Variants in PRKN observed in about 807,000 individuals in gnomAD.
PRKN encodes the protein parkin RBR E3 ubiquitin protein ligase.
PRKN carries 56 observed loss-of-function variants against 59.5 expected under a neutral mutation model. The ratio of observed to expected loss-of-function variants is 0.94; its 90% CI spans 0.76 to 1.18. The LOEUF is 1.18. Among genes scored for constraint, PRKN ranks in the 50% most tolerant of loss-of-function variants. PRKN has a pLI of 0.00. For synonymous variants in PRKN, 250 were observed against 222.1 expected, an observed-to-expected ratio of 1.13 and a Z score of -1.12; for missense variants, 657 against 596.4, an observed-to-expected ratio of 1.10 and a Z score of -1.06.
At chr6:162,594,662 T>C (rs980116333) in intron 1 of PRKN, among the ~76,000 whole-genome samples, 34 of 151,544 alleles carry the variant, frequency 2.2e-4, no homozygotes, top group Non-Finnish European at 4.9e-4. Context: ...AATGAATATG[T>C]CATCCAAGTT....
In PRKN at chr6:161,349,920, G is replaced by GA; in HGVS notation, c.*178dup. Reference sequence around the variant, plus strand: ...CTCTGCTGTTTTTCATGGACATAGTGAAAGGGATCCAGGAGTTTCTTCTGC... The same window carrying GA: ...CTCTGCTGTTTTTCATGGACATAGTGAAAAGGGATCCAGGAGTTTCTTCTGC... On this transcript the variant is annotated 3_prime_UTR_variant, in exon 12 of 12. Coordinates refer to ENST00000366898, the MANE Select transcript of PRKN (RefSeq NM_004562.3). This position sits in a 1 kb window ranked among gnomAD's most constrained non-coding sequence, Gnocchi z 5.5. The GA allele has an allele frequency of 1.5e-6, 1 of 653,364 alleles. No individual in the cohort carries two copies. Among genetic ancestry groups the GA allele is most frequent in the Admixed American group, 2.1e-5 (1 of 46,594 alleles). The allele number at this position is 653,364 out of a possible 1,614,324, so 40.5% of individuals were successfully genotyped here. A position where few individuals can be genotyped will look rare whatever the true frequency, so the allele number is the denominator to read the frequency against.
intron 2 of PRKN, among the ~76,000 whole-genome samples, chr6:162,287,947 G>A (rs1271000682): frequency 6.6e-6 from 1 of 152,156 alleles, no homozygotes; most frequent in Non-Finnish European, 1.5e-5. Context: ...ATTTCACCAT[G>A]CTTGGGGTGG....
chr6:161,788,802 C>T (rs907738731), intron 6 of PRKN, among the ~76,000 whole-genome samples: 1 of 152,154 alleles, frequency 6.6e-6, no homozygotes, highest in African/African-American at 2.4e-5. Context: ...TTACAAGTTA[C>T]AGGGAGTCAA....
In PRKN at chr6:161,566,477, G is replaced by A. The variant is rs1434832366; in HGVS notation, c.933+2878C>T. 1.3e-5 allele frequency among the ~76,000 whole-genome samples: 2 copies of A among 152,154 alleles called. No individual in the cohort carries two copies. Among genetic ancestry groups the A allele is most frequent in the Non-Finnish European group, 2.9e-5 (2 of 68,032 alleles). ...GCTGGAGTGCATTGGCACGATATTG[G>A]CTCACTGCAACCTCCGCCTCCCAGG... On this transcript the variant is annotated intron_variant, in intron 8 of 11. Coordinates refer to ENST00000366898, the MANE Select transcript of PRKN (RefSeq NM_004562.3). The surrounding 1 kb of genome is among the most constrained non-coding windows in gnomAD (Gnocchi z 4.1).
intron 7 of PRKN, among the ~76,000 whole-genome samples, chr6:161,752,808 A>G (rs752227106): frequency 1.6e-4 from 25 of 152,228 alleles, no homozygotes; most frequent in Non-Finnish European, 3.2e-4. Context: ...GTAAACAGAT[A>G]CTAGAGGCTT....
At chr6:162,397,612 T>C (rs906698913) in intron 2 of PRKN, among the ~76,000 whole-genome samples, 1 of 152,146 alleles carries the variant, frequency 6.6e-6, no homozygotes. Flanking sequence ...CTCCAATCCA[T>C]GAGCTCTTCC....
intron 6 of PRKN, among the ~76,000 whole-genome samples, chr6:161,828,764 C>T (rs1792351081): frequency 6.6e-6 from 1 of 151,978 alleles, no homozygotes; most frequent in Non-Finnish European, 1.5e-5. Context: ...ACTAAAAATA[C>T]AACAATAACA....
At chr6:161,845,897 C>T (rs560016554) in intron 6 of PRKN, among the ~76,000 whole-genome samples, 22 of 152,108 alleles carry the variant, frequency 1.4e-4, no homozygotes, top group African/African-American at 1.9e-4. Flanking sequence ...CAATCCGACA[C>T]GAAGAGGTGT....
intron 4 of PRKN, among the ~76,000 whole-genome samples, chr6:162,058,305 G>A (rs749371827): frequency 2.0e-5 from 3 of 152,080 alleles, no homozygotes; most frequent in Non-Finnish European, 4.4e-5. Flanking sequence ...ATTCTGAAAC[G>A]AGTCAGGGGA....
chr6:161,816,792 G>A (rs551403498), intron 6 of PRKN, among the ~76,000 whole-genome samples: 10 of 152,118 alleles, frequency 6.6e-5, no homozygotes, highest in African/African-American at 1.4e-4. Flanking sequence ...ATTGAGCAAC[G>A]TGTAAAAGGA....
intron 7 of PRKN, among the ~76,000 whole-genome samples, chr6:161,604,272 A>G (rs1449896193): frequency 6.6e-6 from 1 of 152,238 alleles, no homozygotes. Context: ...TAAAAAAAGC[A>G]CCTTCAAAAC....
At chr6:161,675,418 T>A (rs1478625111) in intron 7 of PRKN, among the ~76,000 whole-genome samples, 9 of 152,166 alleles carry the variant, frequency 5.9e-5, no homozygotes, top group Non-Finnish European at 1.2e-4. Flanking sequence ...AACAAATGCA[T>A]CCTTTATAAT....
intron 7 of PRKN, among the ~76,000 whole-genome samples, chr6:161,591,551 T>C (rs550360412): frequency 6.6e-6 from 1 of 152,372 alleles, no homozygotes; most frequent in Non-Finnish European, 1.5e-5. Context: ...TTTTGTTTTT[T>C]ACAGCTGAGA....
chr6:162,473,467 G>C (rs1017683795), intron 1 of PRKN, among the ~76,000 whole-genome samples: 1 of 152,010 alleles, frequency 6.6e-6, no homozygotes, highest in East Asian at 1.9e-4. Flanking sequence ...ATAGTTTCTA[G>C]AACAGTGCTG....
intron 6 of PRKN, among the ~76,000 whole-genome samples, chr6:161,923,492 CTTT>C (rs1232795617): frequency 5.3e-5 from 8 of 152,076 alleles, no homozygotes; most frequent in Non-Finnish European, 7.4e-5. Context: ...TCCTCCTCTT[CTTT>C]TTATTTGCAA....
chr6:161,979,227 T>C (rs936247136), intron 5 of PRKN, among the ~76,000 whole-genome samples: 2 of 152,212 alleles, frequency 1.3e-5, no homozygotes, highest in Admixed American at 6.5e-5. Context: ...TTAGAAAATG[T>C]GCTTGGCTTT....
At chr6:162,248,595 C>G (rs985401833) in intron 3 of PRKN, among the ~76,000 whole-genome samples, 1 of 152,110 alleles carries the variant, frequency 6.6e-6, no homozygotes, top group African/African-American at 2.4e-5. Context: ...GGCGTTAGAG[C>G]TGACATCAGC....
chr6:162,368,053 C>T (rs1267194206), intron 2 of PRKN, among the ~76,000 whole-genome samples: 1 of 152,110 alleles, frequency 6.6e-6, no homozygotes, highest in East Asian at 1.9e-4. Flanking sequence ...AGCGCCTTTC[C>T]CCTGACCTGC....
chr6:161,830,442 C>G (rs2128218523), intron 6 of PRKN, among the ~76,000 whole-genome samples: 1 of 152,100 alleles, frequency 6.6e-6, no homozygotes, highest in East Asian at 1.9e-4. Context: ...TTAGTAGAGA[C>G]AGTGTTTCAC....
Sources: allele counts gnomAD v4.1 joint callset (sites outside exome capture counted in the v4.1 genomes callset), GRCh38; gene constraint gnomAD v4.1.1; non-coding constraint Gnocchi (gnomAD v3.1); transcripts MANE v1.5; gene names NCBI Gene and HGNC (gene_info 2026-07-23, HGNC 2026-07-21).